BDH1: variants seen among roughly 807,000 people sequenced by gnomAD.
BDH1 encodes the protein 3-hydroxybutyrate dehydrogenase 1.
Under a neutral mutation model 33.1 loss-of-function variants are expected in BDH1, and 30 were observed. The ratio of observed to expected loss-of-function variants is 0.91; its 90% CI spans 0.68 to 1.23. The LOEUF is 1.23. Ranked by LOEUF, BDH1 falls within the 50% of genes most tolerant of loss-of-function variation. BDH1 has a pLI of 0.00. For synonymous variants in BDH1, 190 were observed against 183.6 expected (o/e 1.03, Z -0.28); for missense variants, 443 against 464.4 (o/e 0.95, Z 0.42).
intron 5 of BDH1, chr3:197,530,596 A>T (rs936145249): frequency 5.2e-5 from 8 of 152,476 alleles, no homozygotes; most frequent in Admixed American, 6.5e-5. Flanking sequence ...AAAAAAAAAA[A>T]AGATAACCCC....
chr3:197,533,660 C>T, intron 3 of BDH1, 99 bp from the exon 4 acceptor site: 1 of 1,172,246 alleles, frequency 8.5e-7, no homozygotes. Context: ...AGCCCCGGCT[C>T]CTGGAGACAG....
rs1712499297 is a variant in BDH1, at chr3:197,514,689, C to T, written c.410-273G>A. ...TCTGGGCCCATCATGACCCAGCCTG[C>T]CGTGTCCCCCGGCCTTCAGTCTCAC... On this transcript the variant is annotated intron_variant, in intron 6 of 7. Transcript: ENST00000392379. This position sits in a 1 kb window ranked among gnomAD's most constrained non-coding sequence, Gnocchi z 4.2. Among the ~76,000 whole-genome samples the T allele has an allele frequency of 6.6e-6, 1 of 152,160 alleles. No homozygotes were observed. The highest frequency in any genetic ancestry group is 1.5e-5 in the Non-Finnish European group (1 of 68,008).
chr3:197,564,460 A>G (rs1438380997), intron 1 of BDH1, among the ~76,000 whole-genome samples: 1 of 152,154 alleles, frequency 6.6e-6, no homozygotes, highest in Non-Finnish European at 1.5e-5. Flanking sequence ...AGTACTTGTG[A>G]CATTTAGTTA....
chr3:197,551,042 G>A (rs1171835678), intron 2 of BDH1, among the ~76,000 whole-genome samples: 1 of 152,160 alleles, frequency 6.6e-6, no homozygotes, highest in Non-Finnish European at 1.5e-5. Flanking sequence ...ACCCCCTCAA[G>A]CATTTCTCCT....
chr3:197,558,732 A>G (rs566207753), upstream of BDH1, among the ~76,000 whole-genome samples: 601 of 152,326 alleles, frequency 3.9e-3, 4 homozygotes, highest in African/African-American at 0.014. Context: ...GACTCCAAAC[A>G]CATAGAAACC....
rs770071427 is a variant in BDH1, at chr3:197,525,736, C to G, written c.268-2955G>C. On this transcript the variant is annotated intron_variant, in intron 5 of 7. Transcript: ENST00000392379. The surrounding 1 kb of genome is among the most constrained non-coding windows in gnomAD (Gnocchi z 4.9). ...ATTCAGAGAAATCTTTCCAACCACC[C>G]TCAGCCTGCTGGCTGCAGACTCTGG... Among the ~76,000 whole-genome samples the G allele has an allele frequency of 6.6e-6, 1 of 152,236 alleles. No individual in the cohort carries two copies. Among genetic ancestry groups the G allele is most frequent in the African/African-American group, 2.4e-5 (1 of 41,458 alleles).
rs1714295671 is a variant in BDH1 at position 197,528,292 on chromosome 3, G to C, written c.267+4120C>G. ...GGTGTGGTGGTGTAGGTCTGTATGA[G>C]TGAGTGAGTGAGTGTGTGTGTGTGT... On this transcript the variant is annotated intron_variant, in intron 5 of 7. Transcript: ENST00000392379. The surrounding 1 kb of genome is among the most constrained non-coding windows in gnomAD (Gnocchi z 5.1). The C allele has an allele frequency of 7.4e-6, 1 of 135,974 alleles. No homozygotes were observed. The highest frequency in any genetic ancestry group is 2.3e-4 in the South Asian group (1 of 4,272). 8.4% of individuals were successfully genotyped at this position (135,974 alleles called of 1,614,324 possible).
At position 197,521,536 on chromosome 3, in the gene BDH1, CA is replaced by C. The variant is rs1321725249; in HGVS notation, c.409+1103del. 1.3e-5 allele frequency among the ~76,000 whole-genome samples: 2 copies of C among 152,102 alleles called. No individual in the cohort carries two copies. The highest frequency in any genetic ancestry group is 4.8e-5 in the African/African-American group (2 of 41,426). On this transcript the variant is annotated intron_variant, in intron 6 of 7. Coordinates refer to ENST00000392379, the MANE Select transcript of BDH1 (RefSeq NM_203314.3). The surrounding 1 kb of genome is among the most constrained non-coding windows in gnomAD (Gnocchi z 4.9). ...TCTGATCCCCGAACACTCACATTCC[CA>C]GGGGTCCCTCTGTGCATCTCCCCGA...
At chr3:197,536,476 T>A (rs1715163627) in intron 3 of BDH1, among the ~76,000 whole-genome samples, 1 of 152,182 alleles carries the variant, frequency 6.6e-6, no homozygotes, top group South Asian at 2.1e-4. Context: ...AATTCCTGAG[T>A]ACAGTATGGG....
At chr3:197,519,003 C>T (rs1385530667) in intron 6 of BDH1, among the ~76,000 whole-genome samples, 1 of 77,478 alleles carries the variant, frequency 1.3e-5, no homozygotes, top group African/African-American at 5.5e-5. Flanking sequence ...GCCGACCCCC[C>T]AATCAGTCAC....
chr3:197,515,769 T>C (rs1712642486), intron 6 of BDH1: 1 of 975,970 alleles, frequency 1.0e-6, no homozygotes, highest in Non-Finnish European at 1.2e-6. Context: ...CCGGGTGTGG[T>C]GGCGGGCACC....
At chr3:197,566,829 A>C (rs964911735) in intron 1 of BDH1, among the ~76,000 whole-genome samples, 24 of 152,054 alleles carry the variant, frequency 1.6e-4, no homozygotes, top group African/African-American at 2.9e-4. Context: ...CTTTGTTTTC[A>C]ATTTTTTTCT....
chr3:197,543,377 G>T (rs1045852909), intron 3 of BDH1, among the ~76,000 whole-genome samples: 1 of 152,246 alleles, frequency 6.6e-6, no homozygotes, highest in Admixed American at 6.5e-5. Context: ...CACTCTGCCC[G>T]GGTCAGGCCA....
chr3:197,564,422 C>T (rs1717367587), intron 1 of BDH1, among the ~76,000 whole-genome samples: 1 of 151,756 alleles, frequency 6.6e-6, no homozygotes, highest in African/African-American at 2.4e-5. Flanking sequence ...GTTATTACAC[C>T]CATATGTCTC....
Position 197,525,367 on chromosome 3 carries a change from C to T in BDH1, c.268-2586G>A, listed in dbSNP as rs1321272518. ...GTCCTTCCTCTTGGGACTTGGTTAA[C>T]CCTGTTGCTATCATTCAGCTCTTCT... On this transcript the variant is annotated intron_variant, in intron 5 of 7. Transcript: ENST00000392379. The surrounding 1 kb of genome is among the most constrained non-coding windows in gnomAD (Gnocchi z 4.9). Among the ~76,000 whole-genome samples, 5 of 152,178 alleles carry T rather than the reference C, an allele frequency of 3.3e-5. No individual in the cohort carries two copies. Among genetic ancestry groups the T allele is most frequent in the Non-Finnish European group, 7.3e-5 (5 of 68,034 alleles).
chr3:197,548,693 A>G (rs1171074374), intron 2 of BDH1, among the ~76,000 whole-genome samples: 1 of 150,940 alleles, frequency 6.6e-6, no homozygotes, highest in Non-Finnish European at 1.5e-5. Context: ...TCTACTAAAA[A>G]TACAAAAAAT....
At chr3:197,512,798 G>C (rs1371514463) in intron 7 of BDH1, among the ~76,000 whole-genome samples, 2 of 152,166 alleles carry the variant, frequency 1.3e-5, no homozygotes, top group African/African-American at 4.8e-5. Context: ...TCCCCTTATG[G>C]AGCTTAAAGT....
chr3:197,514,447 C>T lies in BDH1; in HGVS notation c.410-31G>A. The T allele has an allele frequency of 6.4e-7, 1 of 1,553,804 alleles. No homozygotes were observed. Among genetic ancestry groups the T allele is most frequent in the Non-Finnish European group, 8.7e-7 (1 of 1,146,010 alleles). On this transcript the variant is annotated intron_variant, in intron 6 of 7. Coordinates refer to ENST00000392379, the MANE Select transcript of BDH1 (RefSeq NM_203314.3). This position sits in a 1 kb window ranked among gnomAD's most constrained non-coding sequence, Gnocchi z 4.2. ...CAGGAGAGGGATAGATGTGCATTTA[C>T]CACATGGGCTTGGCCCAGACATTGC...
intron 3 of BDH1, chr3:197,543,323 T>G (rs1715813752): frequency 2.7e-6 from 1 of 363,846 alleles, no homozygotes; most frequent in African/African-American, 2.2e-5. Flanking sequence ...GAGCCTAGGC[T>G]GGACAGGAAA....
Sources: gnomAD v4.1 joint callset for allele counts (sites outside exome capture counted in the v4.1 genomes callset) on GRCh38, gnomAD v4.1.1 for gene constraint, Gnocchi (gnomAD v3.1) non-coding constraint, MANE v1.5 for transcripts, NCBI Gene and HGNC (gene_info 2026-07-23, HGNC 2026-07-21) for gene names.